The following CNGB3 variants were observed in gnomAD, a reference collection of about 807,000 sequenced individuals.
CNGB3 encodes cyclic nucleotide-gated channel beta-3.
In CNGB3, 86 loss-of-function variants were observed where a neutral mutation model predicts 92.8. That is an observed-to-expected ratio of 0.93 (90% confidence interval 0.78 to 1.11). The LOEUF (loss-of-function observed/expected upper bound fraction) is 1.11, where lower values mean the gene tolerates loss of function less well. CNGB3 is among the 50% of genes least tolerant of loss of function. The pLI is 0.00. For missense variants in CNGB3, 1,026 were observed against 956.8 expected, an observed-to-expected ratio of 1.07 and a Z score of -0.95; for synonymous variants, 333 against 332.7, an observed-to-expected ratio of 1.00 and a Z score of -0.01.
chr8:86,578,226 A>G (rs1198942520), intron 17 of CNGB3, among the ~76,000 whole-genome samples: 1 of 152,130 alleles, frequency 6.6e-6, no homozygotes, highest in East Asian at 1.9e-4. Flanking sequence ...ATTCGTTTAT[A>G]GTATCAGAGC....
chr8:86,628,570 A>C (rs937407792), intron 12 of CNGB3, among the ~76,000 whole-genome samples: 2 of 151,892 alleles, frequency 1.3e-5, no homozygotes, highest in Non-Finnish European at 2.9e-5. Context: ...TCTTCGCCCA[A>C]ATTTCTCAGT....
At chr8:86,653,639 A>T (rs1326824151) in intron 7 of CNGB3, among the ~76,000 whole-genome samples, 1 of 152,182 alleles carries the variant, frequency 6.6e-6, no homozygotes, top group Non-Finnish European at 1.5e-5. Flanking sequence ...TGAATATATG[A>T]GAACAAGAAA....
chr8:86,716,535 T>G (rs73274892), intron 3 of CNGB3, among the ~76,000 whole-genome samples: 8,904 of 152,218 alleles, frequency 0.058, 334 homozygotes, highest in East Asian at 0.13. Context: ...GCAGAAACAC[T>G]TCAAGCTAGA....
chr8:86,741,341 A>T (rs1825337131), intron 1 of CNGB3, among the ~76,000 whole-genome samples: 1 of 152,228 alleles, frequency 6.6e-6, no homozygotes, highest in South Asian at 2.1e-4. Flanking sequence ...GAAAGAACAG[A>T]TGCAAATAAT....
At position 86,726,594 on chromosome 8, in the gene CNGB3, G is replaced by C. The variant is rs1367329586; in HGVS notation, c.275C>G (p.Ala92Gly). ...LTTNPDPQNA[A>G]EPTGTVPEQK... Reference sequence around the variant, plus strand: ...CTCTGGCACTGTTCCAGTTGGTTCTGCTGCATTTTGAGGGTCAGGGTTTGT... The same window carrying C: ...CTCTGGCACTGTTCCAGTTGGTTCTCCTGCATTTTGAGGGTCAGGGTTTGT... The change falls in exon 3 of 18, where the codon GCA (alanine) becomes GGA (glycine). Residue 92 changes from alanine (A) to glycine (G), a missense_variant. Ala to Gly is a moderately conservative substitution (Grantham distance 60). Coordinates refer to ENST00000320005, the MANE Select transcript of CNGB3 (RefSeq NM_019098.5). 7.4e-6 allele frequency: 12 copies of C among 1,613,806 alleles called. No homozygotes were observed. Among genetic ancestry groups the C allele is most frequent in the Non-Finnish European group, 1.0e-5 (12 of 1,179,786 alleles).
At chr8:86,670,764 A>G (rs1415742357) in intron 4 of CNGB3, among the ~76,000 whole-genome samples, 180 bp downstream of exon 4, 1 of 151,996 alleles carries the variant, frequency 6.6e-6, no homozygotes, top group Non-Finnish European at 1.5e-5. Context: ...ACCCATCTGT[A>G]CTGTCTTAAC....
chr8:86,608,489 G>A (rs1322019831), intron 14 of CNGB3, among the ~76,000 whole-genome samples: 1 of 152,220 alleles, frequency 6.6e-6, no homozygotes, highest in Non-Finnish European at 1.5e-5. Context: ...GGAGTTTAGA[G>A]AAGACTCTGC....
At chr8:86,599,870 G>A (rs982597806) in intron 15 of CNGB3, among the ~76,000 whole-genome samples, 1 of 152,144 alleles carries the variant, frequency 6.6e-6, no homozygotes, top group African/African-American at 2.4e-5. Context: ...CATTTGGCTT[G>A]TGATATTCTA....
At chr8:86,682,728 G>A (rs1370585785) in intron 3 of CNGB3, among the ~76,000 whole-genome samples, 2 of 152,116 alleles carry the variant, frequency 1.3e-5, no homozygotes, top group East Asian at 1.9e-4. Context: ...AACCAAGAAC[G>A]TCCGAGTCAA....
chr8:86,683,179 G>A (rs1003526544), intron 3 of CNGB3, among the ~76,000 whole-genome samples: 1 of 152,140 alleles, frequency 6.6e-6, no homozygotes, highest in African/African-American at 2.4e-5. Context: ...AAAGAATGGA[G>A]AATGAATATT....
At position 86,671,002 on chromosome 8, in the gene CNGB3, G is replaced by A. The variant is rs1823849926; in HGVS notation, c.435C>T (p.Leu145=). 6.2e-7 allele frequency: 1 copy of A among 1,613,332 alleles called. No homozygotes were observed. ...CTCCCTCTACCAACTTTTTCTTGTA[G>A]AGGGCTGTTCTTTGACGCATTCTTT... is the stretch of plus-strand genomic sequence containing the variant. The part of the protein sequence containing the change: ...LVKRMRQRTA[L]YKKKLVEGDL... The change falls in exon 4 of 18, where the codon CTC becomes CTT. Residue 145 remains leucine, a synonymous_variant. Coordinates refer to ENST00000320005, the MANE Select transcript of CNGB3 (RefSeq NM_019098.5).
At chr8:86,608,808 A>G (rs1002928554) in intron 14 of CNGB3, among the ~76,000 whole-genome samples, 115 of 152,232 alleles carry the variant, frequency 7.6e-4, no homozygotes, top group Non-Finnish European at 1.3e-3. Flanking sequence ...GACCTTACCT[A>G]TCATTGGAGA....
intron 3 of CNGB3, among the ~76,000 whole-genome samples, chr8:86,693,348 T>TA (rs1824355123): frequency 6.6e-6 from 1 of 152,008 alleles, no homozygotes; most frequent in South Asian, 2.1e-4. Context: ...TTTCTCTTCT[T>TA]ACTCAGGAAC....
chr8:86,659,856 T>A, intron 6 of CNGB3: 2 of 423,620 alleles, frequency 4.7e-6, no homozygotes, highest in Middle Eastern at 4.9e-4. Context: ...CTCCAGATCC[T>A]TCAGGTTAGC....
At chr8:86,739,818 C>T in intron 1 of CNGB3, 82 bp from the exon 2 acceptor site, 2 of 1,449,156 alleles carry the variant, frequency 1.4e-6, no homozygotes, top group Non-Finnish European at 1.9e-6. Context: ...CCATTTTCCA[C>T]TTAATTGTCA....
chr8:86,647,265 C>T (rs1823306816), intron 8 of CNGB3, among the ~76,000 whole-genome samples: 1 of 150,660 alleles, frequency 6.6e-6, no homozygotes, highest in South Asian at 2.1e-4. Context: ...TCTTGAGAAA[C>T]ATTTGAGTTA....
intron 3 of CNGB3, chr8:86,707,671 G>A (rs1203977740): frequency 6.6e-6 from 1 of 152,176 alleles, no homozygotes; most frequent in African/African-American, 2.4e-5. Flanking sequence ...GAGGAGAAAG[G>A]GATGATCTGC....
At chr8:86,635,839 TATATATATATATATATATATATATACAC>T (rs1488972595) in intron 10 of CNGB3, among the ~76,000 whole-genome samples, 5 of 62,400 alleles carry the variant, frequency 8.0e-5, no homozygotes, top group African/African-American at 4.3e-4. Context: ...TATATATATA[TATATATATATATATATATATATATACAC>T]ATACACATAT....
chr8:86,720,380 C>G (rs374371368), intron 3 of CNGB3, among the ~76,000 whole-genome samples: 30 of 152,090 alleles, frequency 2.0e-4, no homozygotes, highest in African/African-American at 6.5e-4. Flanking sequence ...TACAAATGGC[C>G]AACAAGCATA....
Sources: gnomAD v4.1 joint callset for allele counts (sites outside exome capture counted in the v4.1 genomes callset) on GRCh38, gnomAD v4.1.1 for gene constraint, MANE v1.5 for transcripts, NCBI Gene and HGNC (gene_info 2026-07-23, HGNC 2026-07-21) for gene names.